The following ATP11B variants were observed in gnomAD, a reference collection of about 807,000 sequenced individuals.
ATP11B encodes ATPase phospholipid transporting 11B (putative), also known as phospholipid-transporting ATPase IF.
A neutral mutation model predicts 157.8 loss-of-function variants in ATP11B; 81 were observed. That is an observed-to-expected ratio of 0.51 (90% confidence interval 0.43 to 0.62). The LOEUF (loss-of-function observed/expected upper bound fraction) is 0.62. Ranked by LOEUF, ATP11B falls within the 20% of genes least tolerant of loss-of-function variation. The pLI is 0.00. For missense variants in ATP11B, 1,165 were observed against 1,402.2 expected (o/e 0.83, Z 2.70); for synonymous variants, 451 against 469.4 (o/e 0.96, Z 0.51).
At chr3:182,888,104 G>A (rs561486419) in intron 24 of ATP11B, among the ~76,000 whole-genome samples, 16 of 152,200 alleles carry the variant, frequency 1.1e-4, no homozygotes, top group South Asian at 8.3e-4. Context: ...CAGAGGTGAG[G>A]ACATTAATTC....
chr3:182,875,780 C>T (rs1301729786), intron 19 of ATP11B, among the ~76,000 whole-genome samples: 1 of 152,092 alleles, frequency 6.6e-6, no homozygotes, highest in Non-Finnish European at 1.5e-5. Flanking sequence ...AATAGGGTCA[C>T]ACTGGATCTT....
Position 182,906,091 on chromosome 3 carries a change from A to G in ATP11B, c.3318+7319A>G, listed in dbSNP as rs376921599. On this transcript the variant is annotated intron_variant, in intron 28 of 29. Transcript: ENST00000323116. The stretch of plus-strand genomic sequence containing the variant: ...CTTTTTTGTGGTCTTTACATTTTTC[A>G]TATGTCCATCCCTGAAAATTTTGTC... Among the ~76,000 whole-genome samples, 29 of 152,116 alleles carry G rather than the reference A, an allele frequency of 1.9e-4. No individual in the cohort carries two copies. In the East Asian group the frequency reaches 4.8e-3, roughly 25 times the overall value.
intron 17 of ATP11B, among the ~76,000 whole-genome samples, chr3:182,870,610 CTATT>C (rs746854090): frequency 1.3e-5 from 2 of 152,100 alleles, no homozygotes; most frequent in Non-Finnish European, 2.9e-5. Context: ...GGTTTTTTAA[CTATT>C]AATTAAAAGA....
intron 25 of ATP11B, among the ~76,000 whole-genome samples, chr3:182,893,016 C>T (rs1723276717): frequency 6.6e-6 from 1 of 152,086 alleles, no homozygotes; most frequent in Non-Finnish European, 1.5e-5. Flanking sequence ...ATTTGCCTAG[C>T]CCTTATCCAG....
chr3:182,815,510 G>C (rs931797193), intron 1 of ATP11B, among the ~76,000 whole-genome samples: 3 of 152,010 alleles, frequency 2.0e-5, no homozygotes, highest in Non-Finnish European at 4.4e-5. Context: ...ATTTTCATGT[G>C]CCTGTATACT....
In ATP11B at chr3:182,795,362, T is replaced by C. The variant is rs1005269709; in HGVS notation, c.27+1576T>C. Among the ~76,000 whole-genome samples the C allele has an allele frequency of 2.0e-5, 3 of 152,344 alleles. No individual in the cohort carries two copies. In the East Asian group the frequency reaches 5.8e-4, roughly 29 times the overall value. On this transcript the variant is annotated intron_variant, in intron 1 of 29. Coordinates refer to ENST00000323116, the MANE Select transcript of ATP11B (RefSeq NM_014616.3). ...TTTAAAGTGGTTCTCTTGAAGCTTT[T>C]TTAAAAATGTATTGAGACATCCTTT...
chr3:182,801,103 T>G (rs1715983720), intron 1 of ATP11B, among the ~76,000 whole-genome samples: 1 of 152,200 alleles, frequency 6.6e-6, no homozygotes, highest in African/African-American at 2.4e-5. Flanking sequence ...CACCAGGCCT[T>G]CCTTTGAAAT....
chr3:182,836,489 G>A lies in ATP11B; in HGVS notation c.552+19G>A. On this transcript the variant is annotated intron_variant, in intron 6 of 29. Transcript: ENST00000323116. ...CCTGAAGGTTTGCTTGCATATGTTTGAGTATTGCTCTTGGTGAACAAAGTG... is the reference window on the plus strand; with the variant it reads ...CCTGAAGGTTTGCTTGCATATGTTTAAGTATTGCTCTTGGTGAACAAAGTG... 6 of 1,613,692 alleles carry A rather than the reference G, an allele frequency of 3.7e-6. No individual in the cohort carries two copies. Among genetic ancestry groups the A allele is most frequent in the Non-Finnish European group, 5.1e-6 (6 of 1,179,778 alleles).
chr3:182,901,080 G>A (rs1026593841), intron 28 of ATP11B, among the ~76,000 whole-genome samples: 1 of 152,122 alleles, frequency 6.6e-6, no homozygotes, highest in Non-Finnish European at 1.5e-5. Flanking sequence ...CTACTTGGGA[G>A]GAGAATCATT....
intron 19 of ATP11B, among the ~76,000 whole-genome samples, chr3:182,878,014 A>G (rs548181089): frequency 6.6e-6 from 1 of 152,310 alleles, no homozygotes; most frequent in Non-Finnish European, 1.5e-5. Flanking sequence ...AGTGCTTTGG[A>G]CAGGCTGAAG....
intron 12 of ATP11B, among the ~76,000 whole-genome samples, chr3:182,864,819 T>C (rs1022406211): frequency 2.6e-5 from 4 of 152,160 alleles, no homozygotes; most frequent in African/African-American, 7.2e-5. Flanking sequence ...TCTTTTTTCA[T>C]GGACATACTT....
At chr3:182,848,124 A>G (rs1577015807) in intron 9 of ATP11B, among the ~76,000 whole-genome samples, 1 of 152,128 alleles carries the variant, frequency 6.6e-6, no homozygotes, top group African/African-American at 2.4e-5. Flanking sequence ...GCTTTTCCAT[A>G]TCTGTCTTTG....
At chr3:182,831,716 C>G (rs1158384912) in intron 4 of ATP11B, among the ~76,000 whole-genome samples, 1 of 152,076 alleles carries the variant, frequency 6.6e-6, no homozygotes, top group African/African-American at 2.4e-5. Context: ...ATTGCATTCT[C>G]AATTCATTTT....
At chr3:182,864,868 TAATAA>T (rs1179727970) in intron 12 of ATP11B, among the ~76,000 whole-genome samples, 14 of 152,168 alleles carry the variant, frequency 9.2e-5, no homozygotes, top group African/African-American at 2.9e-4. Flanking sequence ...TCTCCAAAAG[TAATAA>T]AATAATTTGT....
chr3:182,884,662 G>T lies in ATP11B; in HGVS notation c.2510-91G>T, dbSNP rs1012196114. 4 of 1,317,200 alleles carry T rather than the reference G, an allele frequency of 3.0e-6. No homozygotes were observed. The African/African-American group carries it at 4.6e-5, about 15-fold the overall frequency. 81.6% of individuals were successfully genotyped at this position (1,317,200 alleles called of 1,614,324 possible). A position where few individuals can be genotyped will look rare whatever the true frequency, so the allele number is the denominator to read the frequency against. On this transcript the variant is annotated intron_variant, in intron 21 of 29. Coordinates refer to ENST00000323116, the MANE Select transcript of ATP11B (RefSeq NM_014616.3). ...TAGGATTTAATGTTCCTAAGTGCATGTTCAACTATTATAAATAATTAAGAT... is the reference window on the plus strand; with the variant it reads ...TAGGATTTAATGTTCCTAAGTGCATTTTCAACTATTATAAATAATTAAGAT...
intron 7 of ATP11B, among the ~76,000 whole-genome samples, chr3:182,837,815 G>A (rs1387902234): frequency 6.6e-6 from 1 of 151,960 alleles, no homozygotes; most frequent in Non-Finnish European, 1.5e-5. Flanking sequence ...GGAACTAACT[G>A]CTTTTAACAT....
intron 28 of ATP11B, among the ~76,000 whole-genome samples, chr3:182,908,926 T>C (rs561213996): frequency 6.6e-6 from 1 of 152,332 alleles, no homozygotes; most frequent in East Asian, 1.9e-4. Flanking sequence ...AATAACTCCT[T>C]GAAGGCCATG....
intron 12 of ATP11B, among the ~76,000 whole-genome samples, chr3:182,860,301 C>T (rs1382489992): frequency 6.6e-6 from 1 of 152,144 alleles, no homozygotes; most frequent in Non-Finnish European, 1.5e-5. Flanking sequence ...TTGAAATCTT[C>T]AGAAATTTGA....
intron 26 of ATP11B, among the ~76,000 whole-genome samples, chr3:182,897,027 C>T (rs1723596780): frequency 6.6e-6 from 1 of 152,122 alleles, no homozygotes; most frequent in African/African-American, 2.4e-5. Flanking sequence ...TAGTGCAAGA[C>T]AGCGTAATTT....
Sources: allele counts gnomAD v4.1 joint callset (sites outside exome capture counted in the v4.1 genomes callset), GRCh38; gene constraint gnomAD v4.1.1; transcripts MANE v1.5; gene names NCBI Gene and HGNC (gene_info 2026-07-23, HGNC 2026-07-21).